Variants in ELAPOR2 observed in about 807,000 individuals in gnomAD.
The protein encoded by ELAPOR2 is endosome/lysosome-associated apoptosis and autophagy regulator family member 2.
ELAPOR2 carries 89 observed loss-of-function variants against 120.7 expected under a neutral mutation model. The ratio of observed to expected loss-of-function variants is 0.74; its 90% CI spans 0.62 to 0.88. The LOEUF (loss-of-function observed/expected upper bound fraction) is 0.88. Among genes scored for constraint, ELAPOR2 ranks in the 40% least tolerant of loss-of-function variants. ELAPOR2 has a pLI of 0.00. For missense variants in ELAPOR2, 1,134 were observed against 1,251.6 expected, an observed-to-expected ratio of 0.91 and a Z score of 1.42; for synonymous variants, 444 against 444.9, an observed-to-expected ratio of 1.00 and a Z score of 0.03.
chr7:86,916,505 G>A (rs754629856), intron 12 of ELAPOR2, among the ~76,000 whole-genome samples: 1 of 152,152 alleles, frequency 6.6e-6, no homozygotes, highest in Non-Finnish European at 1.5e-5. Context: ...ACAGAGGCTG[G>A]GGAAAGAAAG....
chr7:86,997,102 T>C (rs1438554408), intron 1 of ELAPOR2, among the ~76,000 whole-genome samples: 3 of 152,212 alleles, frequency 2.0e-5, no homozygotes, highest in Non-Finnish European at 4.4e-5. Context: ...TCTATCCCTA[T>C]GTTTAAGGAA....
chr7:86,896,603 T>C (rs562844889), intron 19 of ELAPOR2, among the ~76,000 whole-genome samples: 1 of 152,228 alleles, frequency 6.6e-6, no homozygotes, highest in Admixed American at 6.6e-5. Context: ...TAGTGTTGAT[T>C]TATTTTCCTC....
In ELAPOR2 at chr7:86,925,579, T is replaced by C. The variant is rs1373215565; in HGVS notation, c.1348A>G (p.Met450Val). Residue 450 changes from methionine to valine, a missense_variant, in exon 10 of 22, where the codon ATG becomes GTG. Coordinates refer to ENST00000450689, the MANE Select transcript of ELAPOR2 (RefSeq NM_001142749.3). Reference protein sequence around the residue: ...YKWWNVLPGNMKTSCFNVGNS... With the variant: ...YKWWNVLPGNVKTSCFNVGNS... The stretch of plus-strand genomic sequence containing the variant: ...CCAACATTGAAGCAGGAAGTTTTCA[T>C]GTTGCCAGGAAGGACATTCCACCAT... The C allele has an allele frequency of 3.7e-6, 6 of 1,612,204 alleles. No individual in the cohort carries two copies. The highest frequency in any genetic ancestry group is 3.3e-5 in the Admixed American group (2 of 59,834).
intron 20 of ELAPOR2, 87 bp downstream of exon 20, chr7:86,892,835 A>G: frequency 8.3e-7 from 1 of 1,208,306 alleles, no homozygotes; most frequent in African/African-American, 1.6e-5. Context: ...GAGAGAATCT[A>G]TTTATTGGAT....
chr7:86,900,253 T>C (rs932185022), intron 18 of ELAPOR2, among the ~76,000 whole-genome samples: 1 of 152,058 alleles, frequency 6.6e-6, no homozygotes, highest in African/African-American at 2.4e-5. Flanking sequence ...AGAAAACTAA[T>C]CAAAGTTGCA....
intron 21 of ELAPOR2, among the ~76,000 whole-genome samples, chr7:86,885,467 T>G (rs1799643973): frequency 6.6e-6 from 1 of 152,156 alleles, no homozygotes; most frequent in Non-Finnish European, 1.5e-5. Context: ...TCTTGTCTAC[T>G]GTCAAAGATT....
At chr7:86,966,700 ATATTCTCTCACAGT>A (rs1203197555) in intron 1 of ELAPOR2, among the ~76,000 whole-genome samples, 8 of 152,204 alleles carry the variant, frequency 5.3e-5, no homozygotes, top group Non-Finnish European at 8.8e-5. Context: ...CAACAGAAAT[ATATTCTCTCACAGT>A]TCTGGAGGCT....
chr7:86,987,181 A>T (rs1260063695), intron 1 of ELAPOR2, among the ~76,000 whole-genome samples: 1 of 152,226 alleles, frequency 6.6e-6, no homozygotes, highest in African/African-American at 2.4e-5. Context: ...CTTACACCTT[A>T]TACAAAAATT....
Position 86,909,915 on chromosome 7 carries a change from C to T in ELAPOR2, c.2256G>A (p.Leu752=). The stretch of plus-strand genomic sequence containing the variant: ...TTGACTGGCATACAAATGCCCCTAC[C>T]AAATTTGTGTAATCATCTGACCCTG... ...IVAGSDDYTN[L]VGAFVCQSTI... is the part of the protein sequence containing the mutation. The change falls in exon 16 of 22, where the codon TTG becomes TTA. Residue 752 remains leucine (L), a synonymous_variant. Coordinates refer to ENST00000450689, the MANE Select transcript of ELAPOR2 (RefSeq NM_001142749.3). 1.9e-6 allele frequency: 3 copies of T among 1,613,160 alleles called. No individual in the cohort carries two copies. In the Admixed American group the frequency reaches 5.0e-5, roughly 27 times the overall value.
At chr7:87,051,025 G>C (rs888226315) in intron 1 of ELAPOR2, among the ~76,000 whole-genome samples, 4 of 152,206 alleles carry the variant, frequency 2.6e-5, no homozygotes, top group African/African-American at 9.6e-5. Context: ...ACTTATACAA[G>C]TGGTGACACC....
intron 1 of ELAPOR2, among the ~76,000 whole-genome samples, chr7:87,013,236 C>T (rs1055419134): frequency 1.3e-5 from 2 of 152,112 alleles, no homozygotes; most frequent in African/African-American, 2.4e-5. Flanking sequence ...CTTGCTCAAT[C>T]GTTCCCAGTG....
chr7:87,051,446 T>C (rs1221688680), intron 1 of ELAPOR2, among the ~76,000 whole-genome samples: 1 of 152,212 alleles, frequency 6.6e-6, no homozygotes, highest in African/African-American at 2.4e-5. Context: ...TCAATGCACC[T>C]CCTGAGAAAC....
In ELAPOR2 at chr7:87,026,616, T is replaced by C. The variant is rs1024067983; in HGVS notation, c.189+32709A>G. Among the ~76,000 whole-genome samples the C allele has an allele frequency of 3.9e-4, 60 of 152,074 alleles. 1 individual carries two copies. Among genetic ancestry groups the C allele is most frequent in the Non-Finnish European group, 1.0e-4 (7 of 67,984 alleles). ...ACAGCTGTTTTGTTCTTTTTAGATC[T>C]TGTATTCTGCCGTAAGCCTATAAAG... On this transcript the variant is annotated intron_variant, in intron 1 of 21. Transcript: ENST00000450689.
At chr7:86,954,851 G>A (rs985483803) in intron 2 of ELAPOR2, among the ~76,000 whole-genome samples, 3 of 152,004 alleles carry the variant, frequency 2.0e-5, no homozygotes, top group African/African-American at 7.2e-5. Flanking sequence ...AGATGAATAA[G>A]GTTCAAACCA....
intron 10 of ELAPOR2, among the ~76,000 whole-genome samples, chr7:86,924,110 G>A (rs1338465717): frequency 6.6e-6 from 1 of 151,882 alleles, no homozygotes; most frequent in African/African-American, 2.4e-5. Context: ...TACTGGACCA[G>A]CCAGTCACAA....
At chr7:87,017,818 G>C (rs1369861818) in intron 1 of ELAPOR2, among the ~76,000 whole-genome samples, 1 of 152,102 alleles carries the variant, frequency 6.6e-6, no homozygotes, top group African/African-American at 2.4e-5. Context: ...CTACTCAGAA[G>C]GCTGAGGTGG....
intron 1 of ELAPOR2, among the ~76,000 whole-genome samples, chr7:87,046,499 T>C (rs1389417670): frequency 2.0e-5 from 3 of 152,202 alleles, no homozygotes; most frequent in Admixed American, 6.5e-5. Context: ...AGATATCTGA[T>C]ACAGTTTGGC....
chr7:86,883,998 TG>T, intron 21 of ELAPOR2, among the ~76,000 whole-genome samples: 1 of 152,240 alleles, frequency 6.6e-6, no homozygotes, highest in Non-Finnish European at 1.5e-5. Context: ...GAAAAGAATA[TG>T]GGTTGATGAA....
At chr7:86,898,510 T>C (rs987137962) in intron 18 of ELAPOR2, among the ~76,000 whole-genome samples, 1 of 146,422 alleles carries the variant, frequency 6.8e-6, no homozygotes. Flanking sequence ...AGGAGAATTA[T>C]ATTTCTATAA....
Sources: allele counts gnomAD v4.1 joint callset (sites outside exome capture counted in the v4.1 genomes callset), GRCh38; gene constraint gnomAD v4.1.1; transcripts MANE v1.5; gene names NCBI Gene and HGNC (gene_info 2026-07-23, HGNC 2026-07-21).